The following UNC5D variants were observed in gnomAD, a reference collection of about 807,000 sequenced individuals.
UNC5D encodes the protein netrin receptor UNC5D.
In UNC5D, 39 loss-of-function variants were observed where a neutral mutation model predicts 105.4. The ratio of observed to expected loss-of-function variants is 0.37; its 90% CI spans 0.29 to 0.48. The LOEUF (loss-of-function observed/expected upper bound fraction) is 0.48. Ranked by LOEUF, UNC5D falls within the 20% of genes least tolerant of loss-of-function variation. UNC5D has a pLI of 0.98. For missense variants in UNC5D, 991 were observed against 1,202.4 expected (o/e 0.82, Z 2.60); for synonymous variants, 452 against 450.4 (o/e 1.00, Z -0.04).
chr8:35,305,602 T>TTTCATTTCTTTCC, intron 1 of UNC5D, among the ~76,000 whole-genome samples: 1 of 149,322 alleles, frequency 6.7e-6, no homozygotes, highest in African/African-American at 2.5e-5. Context: ...TCTTTCTTTC[T>TTTCATTTCTTTCC]TTCTTTCTTT....
At chr8:35,280,681 A>G (rs1172791567) in intron 1 of UNC5D, among the ~76,000 whole-genome samples, 5 of 152,198 alleles carry the variant, frequency 3.3e-5, no homozygotes. Flanking sequence ...AACAAATTGT[A>G]TCTTTAAATG....
chr8:35,332,496 G>T (rs1213176497), intron 1 of UNC5D, among the ~76,000 whole-genome samples: 1 of 152,324 alleles, frequency 6.6e-6, no homozygotes, highest in Middle Eastern at 3.4e-3. Flanking sequence ...GTGAACTCTT[G>T]TTGGATTTAT....
chr8:35,595,770 T>C, intron 4 of UNC5D, 113 bp downstream of exon 4: 1 of 885,818 alleles, frequency 1.1e-6, no homozygotes, highest in Non-Finnish European at 1.8e-6. Context: ...TCTGGGATTC[T>C]TGTTGCCTGG....
chr8:35,444,099 T>C (rs1026666213), intron 1 of UNC5D, among the ~76,000 whole-genome samples: 1 of 152,026 alleles, frequency 6.6e-6, no homozygotes, highest in African/African-American at 2.4e-5. Flanking sequence ...GGGGGAACCT[T>C]TTTTTCACCC....
Position 35,507,086 on chromosome 8 carries a change from C to T in UNC5D, c.104-42206C>T, listed in dbSNP as rs1289815609. Among the ~76,000 whole-genome samples, 17 of 118,590 alleles carry T rather than the reference C, an allele frequency of 1.4e-4. No individual in the cohort carries two copies. The South Asian group carries it at 3.5e-3, about 24-fold the overall frequency. The allele number at this position is 118,590 out of a possible 152,430, so 77.8% of individuals were successfully genotyped here. A position where few individuals can be genotyped will look rare whatever the true frequency, so the allele number is the denominator to read the frequency against. ...TTTTTTTTTTTTTGAGACGGAGTCT[C>T]GCTCTGTCGCCCAGGCTGGAGTGCA... is the stretch of plus-strand genomic sequence containing the variant. On this transcript the variant is annotated intron_variant, in intron 1 of 16. Transcript: ENST00000404895.
At chr8:35,525,688 G>A in intron 1 of UNC5D, 4 of 1,606,602 alleles carry the variant, frequency 2.5e-6, no homozygotes, top group Non-Finnish European at 3.4e-6. Flanking sequence ...ACCTCGCCCT[G>A]CAGCCGCTGC....
At chr8:35,740,067 C>T (rs554018122) in intron 11 of UNC5D, among the ~76,000 whole-genome samples, 27 of 152,116 alleles carry the variant, frequency 1.8e-4, no homozygotes, top group Non-Finnish European at 3.7e-4. Context: ...TGAACAGATA[C>T]CTTGGTTGGA....
intron 1 of UNC5D, among the ~76,000 whole-genome samples, chr8:35,491,116 A>G (rs1273318671): frequency 6.6e-6 from 1 of 151,996 alleles, no homozygotes. Flanking sequence ...AGGGTTTACC[A>G]TTGTTTTTTA....
chr8:35,273,556 T>C (rs1198689809), intron 1 of UNC5D, among the ~76,000 whole-genome samples: 1 of 152,196 alleles, frequency 6.6e-6, no homozygotes, highest in Non-Finnish European at 1.5e-5. Context: ...AAACACAGTG[T>C]TAAAGAGTTT....
intron 1 of UNC5D, among the ~76,000 whole-genome samples, chr8:35,333,902 C>T (rs1273959832): frequency 6.6e-6 from 1 of 152,110 alleles, no homozygotes; most frequent in Non-Finnish European, 1.5e-5. Context: ...ACCTATATTA[C>T]TCAGTGTTCA....
intron 1 of UNC5D, among the ~76,000 whole-genome samples, chr8:35,482,244 CT>C (rs1200917897): frequency 6.6e-5 from 10 of 152,010 alleles, no homozygotes; most frequent in Non-Finnish European, 2.9e-5. Context: ...TGGATTTGTC[CT>C]TTTTCCTCCT....
chr8:35,727,335 G>C (rs1828930096), intron 10 of UNC5D: 1 of 152,236 alleles, frequency 6.6e-6, no homozygotes. Flanking sequence ...GCTGCTAAGA[G>C]GGAAGAGTAT....
chr8:35,310,417 C>A (rs968035540), intron 1 of UNC5D, among the ~76,000 whole-genome samples: 1 of 152,030 alleles, frequency 6.6e-6, no homozygotes, highest in Non-Finnish European at 1.5e-5. Flanking sequence ...GTCAGGAGTT[C>A]GAGATCAACC....
At chr8:35,387,773 TAG>T (rs1435173585) in intron 1 of UNC5D, among the ~76,000 whole-genome samples, 3 of 152,150 alleles carry the variant, frequency 2.0e-5, no homozygotes, top group Non-Finnish European at 4.4e-5. Context: ...TACAGGTATT[TAG>T]AGAGACAGTG....
At chr8:35,559,232 G>T (rs2130742884) in intron 2 of UNC5D, among the ~76,000 whole-genome samples, 1 of 152,274 alleles carries the variant, frequency 6.6e-6, no homozygotes, top group South Asian at 2.1e-4. Context: ...CCAAGACTGG[G>T]ACGAGATAAA....
chr8:35,253,812 G>A (rs114620133), intron 1 of UNC5D, among the ~76,000 whole-genome samples: 2,205 of 152,096 alleles, frequency 0.014, 53 homozygotes, highest in African/African-American at 0.051. Context: ...ATGTGGATAG[G>A]CAGTTGTTCC....
At chr8:35,603,672 G>A (rs1329423845) in intron 4 of UNC5D, among the ~76,000 whole-genome samples, 1 of 152,148 alleles carries the variant, frequency 6.6e-6, no homozygotes, top group African/African-American at 2.4e-5. Flanking sequence ...TATTGTGTGG[G>A]AGTCTAAGTC....
chr8:35,673,840 T>G (rs1825007787), intron 4 of UNC5D, among the ~76,000 whole-genome samples: 1 of 152,186 alleles, frequency 6.6e-6, no homozygotes, highest in African/African-American at 2.4e-5. Context: ...GTAGATCCAG[T>G]CAGTCTTCTT....
intron 1 of UNC5D, among the ~76,000 whole-genome samples, chr8:35,535,850 A>G (rs1814797730): frequency 6.6e-6 from 1 of 152,324 alleles, no homozygotes; most frequent in South Asian, 2.1e-4. Flanking sequence ...ACTGCCTATT[A>G]TATGCCTACA....
Sources: gnomAD v4.1 joint callset for allele counts (sites outside exome capture counted in the v4.1 genomes callset) on GRCh38, gnomAD v4.1.1 for gene constraint, MANE v1.5 for transcripts, NCBI Gene and HGNC (gene_info 2026-07-23, HGNC 2026-07-21) for gene names.